The following PDE8B variants were observed in gnomAD, a reference collection of about 807,000 sequenced individuals.
PDE8B encodes the protein phosphodiesterase 8B.
Under a neutral mutation model 101.3 loss-of-function variants are expected in PDE8B, and 26 were observed. That is an observed-to-expected ratio of 0.26 (90% CI 0.19 to 0.36). PDE8B has a LOEUF of 0.36. Ranked by LOEUF, PDE8B falls within the 10% of genes least tolerant of loss-of-function variation. The pLI, the probability that PDE8B is intolerant of heterozygous loss-of-function variation, is 1.00. For synonymous variants in PDE8B, 424 were observed against 429.3 expected, an observed-to-expected ratio of 0.99 and a Z score of 0.15; for missense variants, 810 against 1,163.1, an observed-to-expected ratio of 0.70 and a Z score of 4.42.
At chr5:77,365,255 T>C (rs993937549) in intron 10 of PDE8B, among the ~76,000 whole-genome samples, 4 of 152,202 alleles carry the variant, frequency 2.6e-5, no homozygotes, top group African/African-American at 7.2e-5. Flanking sequence ...GGGTGCAGTC[T>C]GGGCATGAGG....
chr5:77,213,477 C>G (rs1437391686), intron 1 of PDE8B, among the ~76,000 whole-genome samples: 1 of 152,156 alleles, frequency 6.6e-6, no homozygotes, highest in African/African-American at 2.4e-5. Flanking sequence ...GTTGTATTGT[C>G]TTTTCTCAAT....
the PDE8B span, among the ~76,000 whole-genome samples, chr5:77,196,473 C>T: frequency 6.6e-6 from 1 of 152,102 alleles, no homozygotes; most frequent in African/African-American, 2.4e-5. Flanking sequence ...AATAAAATTT[C>T]ATTCTTTTGC....
chr5:77,250,277 T>A (rs889096636), intron 1 of PDE8B, among the ~76,000 whole-genome samples: 4 of 152,184 alleles, frequency 2.6e-5, no homozygotes, highest in African/African-American at 9.7e-5. Context: ...TTCTTCAAGC[T>A]TTTTCTCTTT....
the PDE8B span, among the ~76,000 whole-genome samples, chr5:77,189,089 A>C: frequency 2.6e-5 from 4 of 152,104 alleles, no homozygotes; most frequent in African/African-American, 9.7e-5. Context: ...TACAGCAAGC[A>C]CTGCTGTCAT....
chr5:77,292,437 C>T (rs1264400032), intron 1 of PDE8B, among the ~76,000 whole-genome samples: 1 of 152,160 alleles, frequency 6.6e-6, no homozygotes, highest in Non-Finnish European at 1.5e-5. Context: ...CTCAGGAAGG[C>T]GTATGTTGTG....
rs745998367 is a variant in PDE8B at position 77,211,049 on chromosome 5, G to A, written c.124G>A (p.Gly42Ser). 2.0e-6 allele frequency: 3 copies of A among 1,532,702 alleles called. No individual in the cohort carries two copies. Among genetic ancestry groups the A allele is most frequent in the South Asian group, 2.4e-5 (2 of 83,454 alleles). 94.9% of individuals were successfully genotyped at this position (1,532,702 alleles called of 1,614,324 possible). ...VSQGPAAPLP[G>S]LFVQTDAADA... ...GCAGGGCCCGGCGGCACCCCTGCCC[G>A]GCCTCTTCGTCCAGACCGACGCCGC... Residue 42 changes from glycine to serine, a missense_variant, in exon 1 of 22, where the codon GGC becomes AGC. Around this residue, in one of 4 missense-constraint regions of PDE8B, gnomAD observed 159 missense variants for 146.6 expected, o/e 1.08. Transcript: ENST00000264917. This position sits in a 1 kb window ranked among gnomAD's most constrained non-coding sequence, Gnocchi z 4.1.
At chr5:77,379,065 T>G (rs1024409519) in intron 10 of PDE8B, among the ~76,000 whole-genome samples, 4 of 152,228 alleles carry the variant, frequency 2.6e-5, no homozygotes, top group Admixed American at 1.3e-4. Context: ...CATAAATGAT[T>G]ATCACTGGGC....
rs572138280 is a variant in PDE8B at position 77,219,132 on chromosome 5, T to A, written c.339+7868T>A. On this transcript the variant is annotated intron_variant, in intron 1 of 21. Transcript: ENST00000264917. ...TTTACAGGTCAAGGCCTTGGTGTTA[T>A]CCTGAGGTGGTTCCCTGTGGAATTC... Among the ~76,000 whole-genome samples the A allele has an allele frequency of 2.0e-5, 3 of 152,316 alleles. No individual in the cohort carries two copies. The East Asian group carries it at 5.8e-4, about 29-fold the overall frequency.
the PDE8B span, among the ~76,000 whole-genome samples, chr5:77,123,472 C>G: frequency 6.7e-6 from 1 of 150,184 alleles, no homozygotes; most frequent in African/African-American, 2.4e-5. Context: ...CTCAAGAAAT[C>G]TTTGGCTGGG....
At chr5:77,344,670 C>T (rs540124720) in intron 6 of PDE8B, among the ~76,000 whole-genome samples, 183 bp from the exon 7 acceptor site, 29 of 152,350 alleles carry the variant, frequency 1.9e-4, no homozygotes, top group African/African-American at 7.0e-4. Flanking sequence ...CCTCTTCATA[C>T]TATCACATTG....
chr5:77,142,678 G>C, the PDE8B span, among the ~76,000 whole-genome samples: 1 of 152,046 alleles, frequency 6.6e-6, no homozygotes, highest in African/African-American at 2.4e-5. Context: ...GTGGAAAGCA[G>C]GTACCATTTG....
At chr5:77,112,529 T>A in the PDE8B span, 3 of 152,156 alleles carry the variant, frequency 2.0e-5, no homozygotes, top group Non-Finnish European at 4.4e-5. Flanking sequence ...TATCTCAAAA[T>A]AATAAGAGCT....
chr5:77,135,756 T>A, the PDE8B span, among the ~76,000 whole-genome samples: 1 of 152,036 alleles, frequency 6.6e-6, no homozygotes, highest in Non-Finnish European at 1.5e-5. Context: ...ATTACAGGCA[T>A]GAGCCACCGT....
At chr5:77,158,875 G>T in the PDE8B span, among the ~76,000 whole-genome samples, 1 of 152,154 alleles carries the variant, frequency 6.6e-6, no homozygotes, top group African/African-American at 2.4e-5. Flanking sequence ...CAACACATGA[G>T]ACTCAACATC....
the PDE8B span, among the ~76,000 whole-genome samples, chr5:77,197,109 CTT>C: frequency 7.0e-3 from 659 of 94,648 alleles, no homozygotes; most frequent in Middle Eastern, 0.026. Flanking sequence ...TTAAAAAAAA[CTT>C]TTTTTTTTTT....
chr5:77,339,225 G>A (rs1778746569), intron 6 of PDE8B, among the ~76,000 whole-genome samples: 1 of 152,160 alleles, frequency 6.6e-6, no homozygotes, highest in Admixed American at 6.5e-5. Context: ...TACTAGAACT[G>A]GTTGGGGGCA....
chr5:77,269,001 C>A (rs1433298669), intron 1 of PDE8B, among the ~76,000 whole-genome samples: 3 of 151,814 alleles, frequency 2.0e-5, no homozygotes, highest in Non-Finnish European at 4.4e-5. Context: ...AGTGGGATTG[C>A]TGGATCATAT....
the PDE8B span, among the ~76,000 whole-genome samples, chr5:77,111,365 AT>A: frequency 5.5e-3 from 832 of 152,158 alleles, 11 homozygotes; most frequent in African/African-American, 0.019. Context: ...AATCAGGATG[AT>A]TTTCTCTATA....
chr5:77,406,218 G>A (rs998748789), intron 12 of PDE8B, among the ~76,000 whole-genome samples: 6 of 152,180 alleles, frequency 3.9e-5, no homozygotes, highest in Non-Finnish European at 8.8e-5. Flanking sequence ...CCAGGAGGCG[G>A]AGGTTGTGGT....
Sources: allele counts gnomAD v4.1 joint callset (sites outside exome capture counted in the v4.1 genomes callset), GRCh38; gene constraint gnomAD v4.1.1; regional missense constraint gnomAD v4.1.1; non-coding constraint Gnocchi (gnomAD v3.1); transcripts MANE v1.5; gene names NCBI Gene and HGNC (gene_info 2026-07-23, HGNC 2026-07-21).